The following SPATA24 variants were observed in gnomAD, a reference collection of about 807,000 sequenced individuals.
SPATA24 encodes spermatogenesis-associated protein 24.
A neutral mutation model predicts 28.9 loss-of-function variants in SPATA24; 21 were observed. That is an observed-to-expected ratio of 0.73 (90% CI 0.52 to 1.05). SPATA24 has a LOEUF of 1.05. SPATA24 is among the 50% of genes least tolerant of loss of function. SPATA24 has a pLI of 0.00. For missense variants in SPATA24, 215 were observed against 242.9 expected (o/e 0.88, Z 0.76); for synonymous variants, 76 against 89.9 (o/e 0.85, Z 0.88).
downstream of SPATA24, chr5:139,392,559 C>T: frequency 7.4e-7 from 1 of 1,350,756 alleles, no homozygotes; most frequent in South Asian, 1.9e-5. The surrounding 1 kb of genome is among the most constrained non-coding windows in gnomAD (Gnocchi z 5.8). Context: ...TGCCCGCCAA[C>T]GCCAGGGGCT....
Position 139,404,026 on chromosome 5 carries a change from G to C in SPATA24, c.35C>G (p.Ser12Ter). The C allele has an allele frequency of 1.9e-6, 3 of 1,551,858 alleles. No homozygotes were observed. The highest frequency in any genetic ancestry group is 2.6e-6 in the Non-Finnish European group (3 of 1,147,050). The change falls in exon 1 of 6, where the codon TCA (serine) becomes TGA (stop). Residue 12 changes from serine (S) to a stop codon, truncating the protein, a stop_gained. Coordinates refer to ENST00000450845, the MANE Select transcript of SPATA24 (RefSeq NM_194296.2). LOFTEE classifies it high-confidence loss of function. Reference protein sequence around the residue: ...ATPLGWSKAGSGSVCLALDQL... With the variant: ...ATPLGWSKAG ...ATCTAAAGCGAGACACACAGATCCT[G>C]ACCCCGCCTTCGACCACCCGAGGGG...
intron 4 of SPATA24, 61 bp from the exon 5 acceptor site, chr5:139,397,204 A>G (rs1758730302): frequency 3.8e-6 from 5 of 1,327,716 alleles, no homozygotes; most frequent in Non-Finnish European, 5.3e-6. Context: ...TTCCTGAGAT[A>G]AGGCATTCCC....
At chr5:139,393,320 C>T (rs1267353630), downstream of SPATA24, 1 of 1,550,922 alleles carries the variant, frequency 6.4e-7, no homozygotes, top group Non-Finnish European at 8.7e-7. Flanking sequence ...CCGGGCGGCT[C>T]GGGTGCTGCT....
intron 4 of SPATA24, 97 bp downstream of exon 4, chr5:139,401,658 G>A: frequency 3.1e-6 from 4 of 1,310,688 alleles, no homozygotes; most frequent in Non-Finnish European, 4.3e-6. Flanking sequence ...CTGGGGACAG[G>A]TGTTAGAGTG....
At chr5:139,392,788 G>A, downstream of SPATA24, 1 of 1,453,522 alleles carries the variant, frequency 6.9e-7, no homozygotes, top group Non-Finnish European at 9.1e-7. This position sits in a 1 kb window ranked among gnomAD's most constrained non-coding sequence, Gnocchi z 5.8. Flanking sequence ...CAGGCGCTGG[G>A]CCTCTACATC....
downstream of SPATA24, chr5:139,393,101 C>T (rs953036845): frequency 7.9e-6 from 12 of 1,522,538 alleles, 1 homozygote; most frequent in Non-Finnish European, 1.1e-5. Context: ...TTGGATTCGC[C>T]GCCCTCCTCC....
intron 4 of SPATA24, among the ~76,000 whole-genome samples, chr5:139,400,608 C>A (rs1007882448): frequency 1.3e-5 from 2 of 151,916 alleles, no homozygotes; most frequent in African/African-American, 4.8e-5. Context: ...GCGCCCAGCC[C>A]ATACTTAAAC....
intron 1 of SPATA24, among the ~76,000 whole-genome samples, chr5:139,403,606 G>A (rs948992375): frequency 1.3e-5 from 2 of 152,240 alleles, no homozygotes; most frequent in South Asian, 4.1e-4. Flanking sequence ...TAATAGAAGG[G>A]ATGACAGTTT....
downstream of SPATA24, chr5:139,394,550 G>A (rs1222164204): frequency 6.7e-7 from 1 of 1,498,824 alleles, no homozygotes; most frequent in South Asian, 1.3e-5. Context: ...GCAGGACTTG[G>A]CCCACGGGGC....
At chr5:139,398,463 G>A (rs1485186359) in intron 4 of SPATA24, among the ~76,000 whole-genome samples, 1 of 151,818 alleles carries the variant, frequency 6.6e-6, no homozygotes, top group African/African-American at 2.4e-5. Flanking sequence ...CTATAGTCCT[G>A]GCTACTTGCT....
intron 2 of SPATA24, 32 bp downstream of exon 2, chr5:139,402,596 A>T (rs1330543452): frequency 6.5e-7 from 1 of 1,541,800 alleles, no homozygotes; most frequent in Admixed American, 2.0e-5. Context: ...GAAACGGGGG[A>T]AGATTAGGAG....
intron 3 of SPATA24, 44 bp from the exon 4 acceptor site, chr5:139,401,869 C>T (rs1399215614): frequency 5.2e-6 from 8 of 1,547,544 alleles, no homozygotes; most frequent in African/African-American, 4.1e-5. Flanking sequence ...GGCTAGCAAG[C>T]AGATGCATCC....
At chr5:139,401,885 A>C (rs1346998035) in intron 3 of SPATA24, 30 bp downstream of exon 3, 3 of 1,548,978 alleles carry the variant, frequency 1.9e-6, no homozygotes, top group Non-Finnish European at 2.6e-6. Context: ...CATCCCCCAA[A>C]CCCCACACCC....
downstream of SPATA24, chr5:139,394,895 G>A: frequency 2.0e-6 from 3 of 1,509,750 alleles, no homozygotes; most frequent in East Asian, 2.6e-5. Context: ...CCCGCCCCCC[G>A]CCCAGGAGCC....
intron 4 of SPATA24, among the ~76,000 whole-genome samples, chr5:139,400,395 C>T (rs1195022611): frequency 6.6e-6 from 1 of 151,300 alleles, no homozygotes; most frequent in African/African-American, 2.4e-5. Flanking sequence ...CAACCTCTGC[C>T]TCCTGGGTTC....
At position 139,404,003 on chromosome 5, in the gene SPATA24, C is replaced by A. The variant is rs1473030477; in HGVS notation, c.58G>T (p.Asp20Tyr). ...AGSGSVCLAL[D>Y]QLRDVIESQE... ...GACTCAATCACGTCCCGCAGTTGAT[C>A]TAAAGCGAGACACACAGATCCTGAC... Residue 20 changes from aspartate to tyrosine, a missense_variant, in exon 1 of 6, where the codon GAT becomes TAT. By Grantham distance (160) the Asp-to-Tyr change is radical. Coordinates refer to ENST00000450845, the MANE Select transcript of SPATA24 (RefSeq NM_194296.2). 6.4e-7 allele frequency: 1 copy of A among 1,551,964 alleles called. No individual in the cohort carries two copies.
intron 3 of SPATA24, 29 bp downstream of exon 3, chr5:139,401,886 C>T: frequency 6.5e-7 from 1 of 1,550,178 alleles, no homozygotes; most frequent in South Asian, 1.2e-5. Flanking sequence ...ATCCCCCAAA[C>T]CCCACACCCC....
downstream of SPATA24, chr5:139,396,557 T>G: frequency 1.5e-6 from 2 of 1,319,868 alleles, no homozygotes; most frequent in Non-Finnish European, 1.9e-6. Flanking sequence ...GGGAGTGGGG[T>G]GGAATATTAC....
At chr5:139,393,844 T>C (rs1758642592), downstream of SPATA24, 3 of 1,550,790 alleles carry the variant, frequency 1.9e-6, no homozygotes, top group Admixed American at 2.0e-5. Context: ...GGACAGGTTC[T>C]GGGGCGACGG....
Sources: gnomAD v4.1 joint callset for allele counts (sites outside exome capture counted in the v4.1 genomes callset) on GRCh38, gnomAD v4.1.1 for gene constraint, Gnocchi (gnomAD v3.1) non-coding constraint, MANE v1.5 for transcripts, NCBI Gene and HGNC (gene_info 2026-07-23, HGNC 2026-07-21) for gene names.